PKHD1: variants seen among roughly 807,000 people sequenced by gnomAD.
PKHD1 encodes the protein fibrocystin.
PKHD1 carries 291 observed loss-of-function variants against 412.0 expected under a neutral mutation model. The ratio of observed to expected loss-of-function variants is 0.71; its 90% confidence interval spans 0.64 to 0.78. The LOEUF is 0.78. PKHD1 is among the 30% of genes least tolerant of loss of function. The pLI is 0.00. For missense variants in PKHD1, 4,825 were observed against 4,950.7 expected (o/e 0.97, Z 0.76); for synonymous variants, 1,777 against 1,821.5 (o/e 0.98, Z 0.62).
chr6:51,768,853 C>T (rs1450291708), intron 55 of PKHD1, among the ~76,000 whole-genome samples: 2 of 151,594 alleles, frequency 1.3e-5, no homozygotes, highest in Non-Finnish European at 3.0e-5. Context: ...GTTATACCAT[C>T]CAAATAAATA....
At chr6:51,959,556 G>A (rs1010054060) in intron 36 of PKHD1, among the ~76,000 whole-genome samples, 1 of 152,082 alleles carries the variant, frequency 6.6e-6, no homozygotes, top group Admixed American at 6.6e-5. Flanking sequence ...TTGCTATATT[G>A]TGGGGGCTGT....
At chr6:51,736,751 T>C (rs1334283281) in intron 60 of PKHD1, among the ~76,000 whole-genome samples, 2 of 152,136 alleles carry the variant, frequency 1.3e-5, no homozygotes, top group East Asian at 3.9e-4. Context: ...CTCCATTCTG[T>C]CCTCTCATTT....
chr6:51,903,521 G>C, intron 43 of PKHD1, 76 bp downstream of exon 43: 5 of 1,332,990 alleles, frequency 3.8e-6, no homozygotes, highest in Non-Finnish European at 5.4e-6. Context: ...GAAGCCAAAA[G>C]GTTGGACACC....
At chr6:51,628,694 G>A (rs577871190) in intron 65 of PKHD1, among the ~76,000 whole-genome samples, 3 of 152,164 alleles carry the variant, frequency 2.0e-5, no homozygotes, top group Admixed American at 1.3e-4. Flanking sequence ...CCCACCAACA[G>A]TGTATCAGCA....
chr6:51,878,847 T>C lies in PKHD1; in HGVS notation c.7350+4246A>G, dbSNP rs1776944799. ...TTGTCCCTGTTTGCAGATGACATGA[T>C]TGTTTATCTAGAAAACCCCATCGTC... On this transcript the variant is annotated intron_variant, in intron 46 of 66. Transcript: ENST00000371117. 4.1e-5 allele frequency among the ~76,000 whole-genome samples: 2 copies of C among 48,898 alleles called. 1 individual carries two copies. Among genetic ancestry groups the C allele is most frequent in the Non-Finnish European group, 6.7e-5 (2 of 30,034 alleles). The allele number at this position is 48,898 out of a possible 152,430, so 32.1% of individuals were successfully genotyped here. A position where few individuals can be genotyped will look rare whatever the true frequency, so the allele number is the denominator to read the frequency against.
intron 36 of PKHD1, among the ~76,000 whole-genome samples, chr6:51,939,183 G>C (rs1561933843): frequency 6.6e-6 from 1 of 150,552 alleles, no homozygotes; most frequent in South Asian, 2.1e-4. Flanking sequence ...TTCTCTCCAT[G>C]TCTCTACCCC....
chr6:51,994,220 C>T (rs1166953526), intron 35 of PKHD1, among the ~76,000 whole-genome samples: 1 of 151,960 alleles, frequency 6.6e-6, no homozygotes, highest in African/African-American at 2.4e-5. Context: ...CTGCAAGCTC[C>T]GCCTCCCGGG....
chr6:52,060,548 C>G (rs1326523764), intron 14 of PKHD1, among the ~76,000 whole-genome samples: 1 of 152,164 alleles, frequency 6.6e-6, no homozygotes, highest in Non-Finnish European at 1.5e-5. Flanking sequence ...TAAAACCCAT[C>G]AAATGCAACT....
At position 52,025,785 on chromosome 6, in the gene PKHD1, G is replaced by T; in HGVS notation, c.4025C>A (p.Ser1342Tyr). ...AGACAGGCTCACGTTGCCCTGGAAG[G>T]ACTGTGTCTCAACATCACAGTTCAG... ...GNLNCDVETQ[S>Y]FQGNVSLSGC... Residue 1342 changes from serine to tyrosine, a missense_variant, in exon 32 of 67, where the codon TCC (serine) becomes TAC (tyrosine). Coordinates refer to ENST00000371117, the MANE Select transcript of PKHD1 (RefSeq NM_138694.4). 6.2e-7 allele frequency: 1 copy of T among 1,614,220 alleles called. No individual in the cohort carries two copies. The highest frequency in any genetic ancestry group is 8.5e-7 in the Non-Finnish European group (1 of 1,180,026).
intron 52 of PKHD1, among the ~76,000 whole-genome samples, chr6:51,817,896 C>T (rs1021209404): frequency 1.3e-5 from 2 of 152,160 alleles, no homozygotes; most frequent in Admixed American, 6.5e-5. Context: ...TCACCACCTC[C>T]GTGCGTGGGC....
chr6:52,045,629 A>G (rs928412611), intron 24 of PKHD1, among the ~76,000 whole-genome samples: 4 of 152,218 alleles, frequency 2.6e-5, no homozygotes, highest in Non-Finnish European at 5.9e-5. Context: ...GTCATTACCC[A>G]AAGACAGCAA....
chr6:51,743,995 T>C (rs1477526027), intron 60 of PKHD1, among the ~76,000 whole-genome samples: 1 of 152,118 alleles, frequency 6.6e-6, no homozygotes, highest in East Asian at 1.9e-4. Context: ...CTTTAAGTCC[T>C]GACAGAAAAG....
At position 51,615,612 on chromosome 6, in the gene PKHD1, T is replaced by C. The variant is rs769197538; in HGVS notation, c.*3469A>G. ...ACTGTTATTGACACGTACAATTTTATAGAAGCTTGGTTGAATAATATTTGC... is the reference window on the plus strand; with the variant it reads ...ACTGTTATTGACACGTACAATTTTACAGAAGCTTGGTTGAATAATATTTGC... On this transcript the variant is annotated 3_prime_UTR_variant, in exon 67 of 67. Coordinates refer to ENST00000371117, the MANE Select transcript of PKHD1 (RefSeq NM_138694.4). 9 of 152,246 alleles carry C rather than the reference T, an allele frequency of 5.9e-5. No homozygotes were observed. Among genetic ancestry groups the C allele is most frequent in the Non-Finnish European group, 7.3e-5 (5 of 68,032 alleles). 9.4% of individuals were successfully genotyped at this position (152,246 alleles called of 1,614,324 possible).
chr6:52,058,250 G>T, intron 16 of PKHD1, 73 bp downstream of exon 16: 1 of 1,501,466 alleles, frequency 6.7e-7, no homozygotes, highest in Non-Finnish European at 9.3e-7. Context: ...CAGACTCCCA[G>T]TCAGTGCTCC....
chr6:51,762,736 A>G lies in PKHD1; in HGVS notation c.8643-7798T>C, dbSNP rs1356967015. Among the ~76,000 whole-genome samples the G allele has an allele frequency of 3.3e-5, 5 of 152,016 alleles. No individual in the cohort carries two copies. The East Asian group carries it at 9.7e-4, about 29-fold the overall frequency. On this transcript the variant is annotated intron_variant, in intron 55 of 66. Transcript: ENST00000371117. The stretch of plus-strand genomic sequence containing the variant: ...ATCTGAAATATGCTTATATCACAAT[A>G]TATTAGAAAGACAAAGACTTATTGA...
At position 51,887,136 on chromosome 6, in the gene PKHD1, G is replaced by C. The variant is rs1216619838; in HGVS notation, c.7106C>G (p.Thr2369Ser). 1.3e-6 allele frequency: 2 copies of C among 1,589,562 alleles called. No individual in the cohort carries two copies. Among genetic ancestry groups the C allele is most frequent in the Admixed American group, 3.3e-5 (2 of 59,990 alleles). ...AGATGAATTTCCCCAAAGTTACCTG[G>C]TACAAGAATGTGCAATGTTCTGAGT... The part of the protein sequence containing the change: ...SFTQNIAHSC[T>S]RYGLFVYPKF... The change falls in exon 44 of 67, where the codon ACC (threonine) becomes AGC (serine). Residue 2369 changes from threonine (T) to serine (S), a missense_variant. Physicochemically the swap from Thr to Ser is moderately conservative, Grantham distance 58 (BLOSUM62 1). Coordinates refer to ENST00000371117, the MANE Select transcript of PKHD1 (RefSeq NM_138694.4).
chr6:51,653,965 C>T (rs978860575), intron 61 of PKHD1, among the ~76,000 whole-genome samples: 2 of 152,016 alleles, frequency 1.3e-5, no homozygotes, highest in Non-Finnish European at 2.9e-5. Context: ...TCCTGTTTAG[C>T]CTGGGGAGCT....
intron 7 of PKHD1, 47 bp from the exon 8 acceptor site, chr6:52,072,236 A>T: frequency 9.0e-7 from 1 of 1,111,404 alleles, no homozygotes; most frequent in Non-Finnish European, 1.4e-6. Flanking sequence ...ATAATTGTGC[A>T]ATACTCCCAA....
At chr6:51,801,248 A>G (rs1014037143) in intron 52 of PKHD1, among the ~76,000 whole-genome samples, 1 of 152,214 alleles carries the variant, frequency 6.6e-6, no homozygotes, top group Admixed American at 6.5e-5. Context: ...TTCCTAAAAT[A>G]GAATGGAAAC....
Sources: gnomAD v4.1 joint callset for allele counts (sites outside exome capture counted in the v4.1 genomes callset) on GRCh38, gnomAD v4.1.1 for gene constraint, MANE v1.5 for transcripts, NCBI Gene and HGNC (gene_info 2026-07-23, HGNC 2026-07-21) for gene names.